The following SLC6A2 variants were observed in gnomAD, a reference collection of about 807,000 sequenced individuals.
SLC6A2 encodes solute carrier family 6 member 2.
A neutral mutation model predicts 71.7 loss-of-function variants in SLC6A2; 26 were observed. The ratio of observed to expected loss-of-function variants is 0.36; its 90% CI spans 0.27 to 0.50. The LOEUF is 0.50. Among genes scored for constraint, SLC6A2 ranks in the 20% least tolerant of loss-of-function variants. SLC6A2 has a pLI of 0.96. For missense variants in SLC6A2, 581 were observed against 803.9 expected, an observed-to-expected ratio of 0.72 and a Z score of 3.35; for synonymous variants, 363 against 337.9, an observed-to-expected ratio of 1.07 and a Z score of -0.82.
chr16:55,664,842 C>G (rs1269782462), intron 2 of SLC6A2, among the ~76,000 whole-genome samples: 1 of 152,222 alleles, frequency 6.6e-6, no homozygotes, highest in Non-Finnish European at 1.5e-5. Context: ...ACTCTGCCCC[C>G]TTTCCATCTC....
Position 55,703,361 on chromosome 16 carries a change from C to T in SLC6A2, c.*1015C>T. On this transcript the variant is annotated 3_prime_UTR_variant, in exon 15 of 15. Transcript: ENST00000568943. Reference sequence around the variant, plus strand: ...TCTTGCACACCTGCACAGCCTCCCTCTGGGGATCCCACCTGGAGTGGACCA... The same window carrying T: ...TCTTGCACACCTGCACAGCCTCCCTTTGGGGATCCCACCTGGAGTGGACCA... 1 of 985,374 alleles carries T rather than the reference C, an allele frequency of 1.0e-6. No individual in the cohort carries two copies. 61.0% of individuals were successfully genotyped at this position (985,374 alleles called of 1,614,324 possible).
chr16:55,658,238 A>G lies in SLC6A2; in HGVS notation c.274+1270A>G, dbSNP rs192738946. The stretch of plus-strand genomic sequence containing the variant: ...TTGCAAAAAAGGAGTGGGGCCGGGC[A>G]TGGTGGCTCATGCCTATAATCCTAG... On this transcript the variant is annotated intron_variant, in intron 2 of 14. Transcript: ENST00000568943. Among the ~76,000 whole-genome samples the G allele has an allele frequency of 1.2e-3, 181 of 152,224 alleles. 2 individuals are homozygous for G. The highest frequency in any genetic ancestry group is 1.0e-3 in the Non-Finnish European group (70 of 68,006).
intron 2 of SLC6A2, among the ~76,000 whole-genome samples, chr16:55,665,148 A>C (rs1964715502): frequency 6.6e-6 from 1 of 152,224 alleles, no homozygotes; most frequent in Non-Finnish European, 1.5e-5. Context: ...GTACCTCCAC[A>C]TTCCAGCCTG....
intron 4 of SLC6A2, 22 bp downstream of exon 4, chr16:55,672,197 C>T: frequency 5.0e-6 from 8 of 1,614,184 alleles, no homozygotes; most frequent in Non-Finnish European, 6.8e-6. Flanking sequence ...ACCCCTTGTG[C>T]TGGGCCTGTT....
chr16:55,692,278 G>T (rs1965658715), intron 6 of SLC6A2, among the ~76,000 whole-genome samples: 1 of 152,208 alleles, frequency 6.6e-6, no homozygotes, highest in Admixed American at 6.5e-5. Flanking sequence ...TTCTGTGGTT[G>T]CATCTGGTGG....
chr16:55,695,168 G>C, intron 7 of SLC6A2, 110 bp from the exon 8 acceptor site: 2 of 1,284,548 alleles, frequency 1.6e-6, no homozygotes, highest in East Asian at 4.6e-5. Context: ...CTGAAGGGGG[G>C]ATGGCCTTTG....
rs1035452813 is a variant in SLC6A2 at position 55,686,028 on chromosome 16, G to A, written c.783+747G>A. ...ATTTAGAAGCTTGACTATTAAAGAG[G>A]ATATGGATGGGAAATTTTCTTTCCA... is the stretch of plus-strand genomic sequence containing the variant. On this transcript the variant is annotated intron_variant, in intron 5 of 14. Transcript: ENST00000568943. Among the ~76,000 whole-genome samples, 4 of 152,292 alleles carry A rather than the reference G, an allele frequency of 2.6e-5. No individual in the cohort carries two copies. The Middle Eastern group carries it at 0.01, about 389-fold the overall frequency.
chr16:55,670,865 G>C (rs537534309), intron 3 of SLC6A2, among the ~76,000 whole-genome samples: 9 of 152,334 alleles, frequency 5.9e-5, no homozygotes, highest in African/African-American at 2.2e-4. Flanking sequence ...GAAGAGTGGG[G>C]AGTAGCCTCG....
chr16:55,659,617 A>T (rs1964556557), intron 2 of SLC6A2, among the ~76,000 whole-genome samples: 1 of 152,220 alleles, frequency 6.6e-6, no homozygotes, highest in South Asian at 2.1e-4. Flanking sequence ...GCCCAAGATA[A>T]GTCCTAGATC....
intron 5 of SLC6A2, among the ~76,000 whole-genome samples, chr16:55,690,572 C>A (rs1291103403): frequency 6.6e-6 from 1 of 152,106 alleles, no homozygotes; most frequent in Non-Finnish European, 1.5e-5. Context: ...CAGCTGAGTC[C>A]TCCTTGAGTC....
intron 2 of SLC6A2, 30 bp from the exon 3 acceptor site, chr16:55,669,535 C>G (rs1419479969): frequency 6.2e-7 from 1 of 1,613,118 alleles, no homozygotes; most frequent in Admixed American, 1.7e-5. Flanking sequence ...AGGGGTCTGT[C>G]AGGTCACACT....
rs1322995595 is a variant in SLC6A2 at position 55,700,135 on chromosome 16, C to G, written c.1591-4C>G. Reference sequence around the variant, plus strand: ...CTTTCTCTCCCTTCTCTGCCCATCTCTAGTTCGTGGTTGTGGTCAGCATCA... The same window carrying G: ...CTTTCTCTCCCTTCTCTGCCCATCTGTAGTTCGTGGTTGTGGTCAGCATCA... On this transcript the variant is annotated splice_polypyrimidine_tract_variant and splice_region_variant and intron_variant, in intron 12 of 14. Transcript: ENST00000568943. The G allele has an allele frequency of 6.2e-7, 1 of 1,613,684 alleles. No individual in the cohort carries two copies. Among genetic ancestry groups the G allele is most frequent in the South Asian group, 1.1e-5 (1 of 91,066 alleles).
chr16:55,693,337 T>A (rs1165612590), intron 6 of SLC6A2, among the ~76,000 whole-genome samples: 5 of 151,350 alleles, frequency 3.3e-5, no homozygotes, highest in Non-Finnish European at 2.9e-5. Context: ...GCCACTGCAC[T>A]CCAGCCTGGG....
chr16:55,680,540 G>A (rs1423207878), intron 4 of SLC6A2, among the ~76,000 whole-genome samples: 7 of 152,140 alleles, frequency 4.6e-5, no homozygotes, highest in Non-Finnish European at 8.8e-5. Flanking sequence ...ATGTTCTTCT[G>A]CCTGCTTTTG....
Position 55,659,117 on chromosome 16 carries a change from G to A in SLC6A2, c.274+2149G>A, listed in dbSNP as rs1407533344. 2.6e-5 allele frequency among the ~76,000 whole-genome samples: 4 copies of A among 152,180 alleles called. No individual in the cohort carries two copies. The South Asian group carries it at 8.3e-4, about 32-fold the overall frequency. ...AGTAATATTTTTCTGGTTCCTCTTG[G>A]CGTGAGGCACAATGCTAGGCTCTGC... On this transcript the variant is annotated intron_variant, in intron 2 of 14. Transcript: ENST00000568943.
intron 4 of SLC6A2, among the ~76,000 whole-genome samples, chr16:55,673,432 A>G (rs1326752529): frequency 6.6e-6 from 1 of 152,150 alleles, no homozygotes; most frequent in Non-Finnish European, 1.5e-5. Flanking sequence ...AATTTATGCA[A>G]ATGTCTTGAT....
intron 4 of SLC6A2, among the ~76,000 whole-genome samples, chr16:55,680,715 A>G (rs1226083295): frequency 6.6e-6 from 1 of 152,148 alleles, no homozygotes; most frequent in South Asian, 2.1e-4. Flanking sequence ...TTGACACTCA[A>G]TATTAACCAT....
At chr16:55,676,154 T>C (rs1336218743) in intron 4 of SLC6A2, among the ~76,000 whole-genome samples, 2 of 152,354 alleles carry the variant, frequency 1.3e-5, no homozygotes, top group East Asian at 3.9e-4. Flanking sequence ...GAATTTTTCT[T>C]GGAGAGGGTC....
At chr16:55,687,902 A>T (rs1230768621) in intron 5 of SLC6A2, among the ~76,000 whole-genome samples, 3 of 152,328 alleles carry the variant, frequency 2.0e-5, no homozygotes, top group African/African-American at 4.8e-5. Flanking sequence ...ACACCTTCAG[A>T]GAAGGTAATG....
Sources: gnomAD v4.1 joint callset for allele counts (sites outside exome capture counted in the v4.1 genomes callset) on GRCh38, gnomAD v4.1.1 for gene constraint, MANE v1.5 for transcripts, NCBI Gene and HGNC (gene_info 2026-07-23, HGNC 2026-07-21) for gene names.